The following OPHN1 variants were observed in gnomAD, a reference collection of about 807,000 sequenced individuals.
OPHN1 encodes the protein oligophrenin 1.
In OPHN1, 11 loss-of-function variants were observed where a neutral mutation model predicts 60.7. The ratio of observed to expected loss-of-function variants is 0.18; its 90% CI spans 0.11 to 0.30. The LOEUF is 0.30. Among genes scored for constraint, OPHN1 ranks in the 10% least tolerant of loss-of-function variants. The probability of loss-of-function intolerance (pLI) is 1.00; values close to 1 mark genes in which losing one functional copy is unlikely to be tolerated. For synonymous variants in OPHN1, 226 were observed against 222.6 expected, an observed-to-expected ratio of 1.02 and a Z score of -0.14; for missense variants, 449 against 611.0, an observed-to-expected ratio of 0.73 and a Z score of 2.80.
intron 7 of OPHN1, among the ~76,000 whole-genome samples, chrX:68,212,589 A>C (rs1303624472): frequency 8.9e-6 from 1 of 111,899 alleles, no homozygotes; most frequent in African/African-American, 3.3e-5. Context: ...TCAAAAAAAC[A>C]AAAAACAAAC....
chrX:68,043,921 T>C lies in OPHN1; in HGVS notation c.*3251A>G, dbSNP rs1480400865. 1 of 111,766 alleles carries C rather than the reference T, an allele frequency of 8.9e-6. No individual in the cohort carries two copies. The highest frequency in any genetic ancestry group is 3.3e-5 in the African/African-American group (1 of 30,716). 9.2% of individuals were successfully genotyped at this position (111,766 alleles called of 1,213,427 possible). A position where few individuals can be genotyped will look rare whatever the true frequency, so the allele number is the denominator to read the frequency against. ...CTTAGGCTGAAACTGAAACTGCCCA[T>C]GCTACAACCTTGGCGAAGTATGGAG... On this transcript the variant is annotated 3_prime_UTR_variant, in exon 25 of 25. Coordinates refer to ENST00000355520, the MANE Select transcript of OPHN1 (RefSeq NM_002547.3).
intron 2 of OPHN1, among the ~76,000 whole-genome samples, chrX:68,410,714 T>C (rs1841010045): frequency 9.0e-6 from 1 of 111,157 alleles, no homozygotes; most frequent in Non-Finnish European, 1.9e-5. Context: ...TACTGTTGCA[T>C]TGGGGATTAA....
intron 2 of OPHN1, among the ~76,000 whole-genome samples, chrX:68,341,102 T>C (rs1309497949): frequency 9.6e-6 from 1 of 104,451 alleles, no homozygotes; most frequent in East Asian, 3.0e-4. Context: ...GAAGTTGTAA[T>C]AGAATTAAAA....
chrX:68,226,889 T>C (rs747893288), intron 6 of OPHN1, among the ~76,000 whole-genome samples: 1 of 111,509 alleles, frequency 9.0e-6, no homozygotes, highest in East Asian at 2.8e-4. Flanking sequence ...AATATTAACC[T>C]TAAATGTAAA....
At chrX:68,197,104 G>A in intron 12 of OPHN1, 82 bp downstream of exon 12, 1 of 685,099 alleles carries the variant, frequency 1.5e-6, no homozygotes, top group East Asian at 3.2e-5. Flanking sequence ...CCATTTAATT[G>A]TCTGAGACCC....
intron 5 of OPHN1, among the ~76,000 whole-genome samples, chrX:68,240,065 C>T (rs59721098): frequency 0.016 from 1,842 of 112,043 alleles, 42 homozygotes; most frequent in African/African-American, 0.057. Context: ...CTCGCCTCGG[C>T]CTCCCAAAGT....
chrX:68,260,244 A>T (rs1312114284), intron 5 of OPHN1, among the ~76,000 whole-genome samples: 1 of 110,014 alleles, frequency 9.1e-6, no homozygotes, highest in Non-Finnish European at 1.9e-5. Context: ...CTTTATAGAA[A>T]TGGACTCATA....
chrX:68,049,533 C>A (rs765438291), intron 23 of OPHN1, among the ~76,000 whole-genome samples: 2 of 111,708 alleles, frequency 1.8e-5, no homozygotes, highest in African/African-American at 6.5e-5. Flanking sequence ...CCAGGGCTTC[C>A]CCAACTCTTG....
intron 2 of OPHN1, among the ~76,000 whole-genome samples, chrX:68,394,482 CA>C (rs1383592525): frequency 6.3e-5 from 7 of 111,766 alleles, no homozygotes; most frequent in African/African-American, 2.3e-4. Context: ...ATCTAGTTAA[CA>C]AAAAATTGTA....
At chrX:68,308,792 T>A (rs2078159015) in intron 2 of OPHN1, among the ~76,000 whole-genome samples, 1 of 109,525 alleles carries the variant, frequency 9.1e-6, no homozygotes, top group Non-Finnish European at 1.9e-5. Flanking sequence ...TGTTTTTTTG[T>A]TTTTTGAGAC....
At chrX:68,078,233 G>A (rs967623231) in intron 19 of OPHN1, among the ~76,000 whole-genome samples, 1 of 110,979 alleles carries the variant, frequency 9.0e-6, no homozygotes, top group Admixed American at 9.6e-5. Context: ...GGAAAGGCAA[G>A]GAATCCTGCT....
At chrX:68,056,537 G>A (rs2076873859) in intron 21 of OPHN1, among the ~76,000 whole-genome samples, 1 of 111,316 alleles carries the variant, frequency 9.0e-6, no homozygotes, top group Non-Finnish European at 1.9e-5. Context: ...TGCATCTTAC[G>A]TTCTGGACAT....
chrX:68,120,110 C>T (rs963229023), intron 15 of OPHN1, among the ~76,000 whole-genome samples: 1 of 111,351 alleles, frequency 9.0e-6, no homozygotes, highest in Non-Finnish European at 1.9e-5. Context: ...AAGTAAGTCA[C>T]AGGCCAGGGG....
intron 2 of OPHN1, among the ~76,000 whole-genome samples, chrX:68,337,048 G>C (rs1473303447): frequency 9.1e-6 from 1 of 110,249 alleles, no homozygotes; most frequent in Non-Finnish European, 1.9e-5. Context: ...GTGACAGAGT[G>C]AGACTCTGTC....
chrX:68,256,016 A>G (rs2077861364), intron 5 of OPHN1, among the ~76,000 whole-genome samples: 1 of 110,345 alleles, frequency 9.1e-6, no homozygotes, highest in Non-Finnish European at 1.9e-5. Context: ...GGCAGAAGAG[A>G]GGAGAAAGAG....
intron 2 of OPHN1, among the ~76,000 whole-genome samples, chrX:68,317,744 A>G (rs1247518804): frequency 9.0e-6 from 1 of 110,692 alleles, no homozygotes; most frequent in Non-Finnish European, 1.9e-5. Context: ...AAAAAAGAAA[A>G]GATCAGTAGC....
At chrX:68,100,287 A>G (rs1032095681) in intron 18 of OPHN1, among the ~76,000 whole-genome samples, 17 of 110,899 alleles carry the variant, frequency 1.5e-4, no homozygotes, top group South Asian at 3.8e-4. Context: ...GCACACACAC[A>G]TACACACACA....
chrX:68,313,127 A>T lies in OPHN1; in HGVS notation c.155-14031T>A, dbSNP rs1053271711. On this transcript the variant is annotated intron_variant, in intron 2 of 24. Coordinates refer to ENST00000355520, the MANE Select transcript of OPHN1 (RefSeq NM_002547.3). The stretch of plus-strand genomic sequence containing the variant: ...TCAAATAAATAAATAAATAAATAAG[A>T]AAGAAAGGAAAGGAAGGCTTTTATC... Among the ~76,000 whole-genome samples, 12 of 111,324 alleles carry T rather than the reference A, an allele frequency of 1.1e-4. No individual in the cohort carries two copies. The South Asian group carries it at 1.1e-3, about 11-fold the overall frequency.
At chrX:68,261,458 A>G (rs2077893029) in intron 5 of OPHN1, among the ~76,000 whole-genome samples, 1 of 111,295 alleles carries the variant, frequency 9.0e-6, no homozygotes, top group South Asian at 3.8e-4. Context: ...GTCCTCCCTT[A>G]ATCTTGGGTC....
Sources: gnomAD v4.1 joint callset for allele counts (sites outside exome capture counted in the v4.1 genomes callset) on GRCh38, gnomAD v4.1.1 for gene constraint, MANE v1.5 for transcripts, NCBI Gene and HGNC (gene_info 2026-07-23, HGNC 2026-07-21) for gene names.